Variants in BRINP2 observed in about 807,000 individuals in gnomAD.
BRINP2 encodes BMP/retinoic acid inducible neural specific 2.
Under a neutral mutation model 69.2 loss-of-function variants are expected in BRINP2, and 21 were observed. That is an observed-to-expected ratio of 0.30 (90% confidence interval 0.22 to 0.44). BRINP2 has a LOEUF of 0.44. Among genes scored for constraint, BRINP2 ranks in the 20% least tolerant of loss-of-function variants. BRINP2 has a pLI of 1.00. For missense variants in BRINP2, 877 were observed against 986.0 expected (o/e 0.89, Z 1.48); for synonymous variants, 380 against 394.1 (o/e 0.96, Z 0.42).
At chr1:177,193,723 T>G (rs1430729762) in intron 1 of BRINP2, among the ~76,000 whole-genome samples, 2 of 152,240 alleles carry the variant, frequency 1.3e-5, no homozygotes, top group African/African-American at 4.8e-5. Context: ...GCACATGCCC[T>G]TACTGCAGGC....
intron 1 of BRINP2, among the ~76,000 whole-genome samples, chr1:177,221,841 T>C (rs1226302213): frequency 6.6e-6 from 1 of 152,102 alleles, no homozygotes; most frequent in Non-Finnish European, 1.5e-5. Flanking sequence ...GCATAATCAA[T>C]GCACAGAGCT....
chr1:177,222,125 A>T (rs987517741), intron 1 of BRINP2, among the ~76,000 whole-genome samples: 29 of 152,322 alleles, frequency 1.9e-4, no homozygotes, highest in African/African-American at 7.0e-4. Context: ...CTTTTAACAG[A>T]AATCTTACCT....
chr1:177,236,776 C>G (rs926562259), intron 2 of BRINP2, among the ~76,000 whole-genome samples: 10 of 152,168 alleles, frequency 6.6e-5, no homozygotes, highest in Non-Finnish European at 1.3e-4. Flanking sequence ...GGTTTAGGAA[C>G]TGAGCAGCCA....
intron 6 of BRINP2, among the ~76,000 whole-genome samples, chr1:177,277,524 A>G (rs958459033): frequency 1.3e-5 from 2 of 151,548 alleles, no homozygotes; most frequent in Admixed American, 1.3e-4. Context: ...TGTTTTACCT[A>G]TGCACATACT....
At chr1:177,263,458 G>T (rs939962284) in intron 4 of BRINP2, among the ~76,000 whole-genome samples, 2 of 152,204 alleles carry the variant, frequency 1.3e-5, no homozygotes, top group African/African-American at 4.8e-5. Flanking sequence ...TCACAAGGGA[G>T]CGCCTTCCTT....
At chr1:177,205,922 T>C (rs1649059509) in intron 1 of BRINP2, among the ~76,000 whole-genome samples, 1 of 152,256 alleles carries the variant, frequency 6.6e-6, no homozygotes, top group African/African-American at 2.4e-5. Flanking sequence ...GTATCAGTGC[T>C]GGTCTATGTG....
At chr1:177,203,618 T>C (rs1284751860) in intron 1 of BRINP2, among the ~76,000 whole-genome samples, 2 of 152,222 alleles carry the variant, frequency 1.3e-5, no homozygotes, top group Admixed American at 1.3e-4. Flanking sequence ...TGCTGTCATC[T>C]GAATGCACTG....
In BRINP2 at chr1:177,280,480, C is replaced by A. The variant is rs1480692243; in HGVS notation, c.1304C>A (p.Thr435Asn). 3 of 1,614,082 alleles carry A rather than the reference C, an allele frequency of 1.9e-6. No homozygotes were observed. The highest frequency in any genetic ancestry group is 2.5e-6 in the Non-Finnish European group (3 of 1,180,024). ...TGTGGGGAAAGCACCTTTCCTGGCA[C>A]TTTCCTGGAACAGAGCCACAGCTGC... ...LYCGESTFPG[T>N]FLEQSHSCTC... The change falls in exon 8 of 8, where the codon ACT (threonine) becomes AAT (asparagine). Residue 435 changes from threonine (T) to asparagine (N), a missense_variant. Physicochemically the swap from Thr to Asn is moderately conservative, Grantham distance 65. Coordinates refer to ENST00000361539, the MANE Select transcript of BRINP2 (RefSeq NM_021165.4).
intron 2 of BRINP2, 91 bp downstream of exon 2, chr1:177,230,236 G>T: frequency 2.1e-6 from 3 of 1,401,428 alleles, no homozygotes; most frequent in Non-Finnish European, 1.9e-6. Flanking sequence ...CCCTAAACAG[G>T]CTGGAATGCC....
At chr1:177,211,146 A>C (rs1649210229) in intron 1 of BRINP2, among the ~76,000 whole-genome samples, 1 of 152,062 alleles carries the variant, frequency 6.6e-6, no homozygotes, top group African/African-American at 2.4e-5. Flanking sequence ...GGTATTCCTC[A>C]TGTGTTTCAA....
intron 1 of BRINP2, among the ~76,000 whole-genome samples, chr1:177,186,491 C>A (rs1211656634): frequency 6.6e-6 from 1 of 151,996 alleles, no homozygotes; most frequent in African/African-American, 2.4e-5. Context: ...CCAATGTTTG[C>A]CACAGGAGCA....
rs931005887 is a variant in BRINP2 at position 177,171,049 on chromosome 1, G to T, written c.-760G>T. Among the ~76,000 whole-genome samples, 1 of 152,248 alleles carries T rather than the reference G, an allele frequency of 6.6e-6. No individual in the cohort carries two copies. Among genetic ancestry groups the T allele is most frequent in the African/African-American group, 2.4e-5 (1 of 41,470 alleles). On this transcript the variant is annotated 5_prime_UTR_variant, in exon 1 of 8. Coordinates refer to ENST00000361539, the MANE Select transcript of BRINP2 (RefSeq NM_021165.4). Reference sequence around the variant, plus strand: ...CTCTGGGATGCAATCCGCCTGCCTCGCAAGCTGCTCGCCGCTGCGCTGGCA... The same window carrying T: ...CTCTGGGATGCAATCCGCCTGCCTCTCAAGCTGCTCGCCGCTGCGCTGGCA...
intron 2 of BRINP2, among the ~76,000 whole-genome samples, chr1:177,237,870 T>C (rs1480302832): frequency 2.6e-5 from 4 of 152,158 alleles, no homozygotes. Flanking sequence ...TCGAGTCATA[T>C]GGTCTTTTTT....
chr1:177,235,326 G>A (rs1432260251), intron 2 of BRINP2, among the ~76,000 whole-genome samples: 3 of 152,170 alleles, frequency 2.0e-5, no homozygotes, highest in East Asian at 3.8e-4. Flanking sequence ...AACGTGTACT[G>A]GAAAGACAGC....
intron 1 of BRINP2, among the ~76,000 whole-genome samples, chr1:177,213,535 A>G (rs1558161770): frequency 2.0e-5 from 3 of 152,246 alleles, no homozygotes; most frequent in Admixed American, 1.3e-4. Flanking sequence ...ACTGAATAAT[A>G]AAGTTACTTT....
At chr1:177,173,508 G>A (rs1398390483) in intron 1 of BRINP2, among the ~76,000 whole-genome samples, 4 of 152,192 alleles carry the variant, frequency 2.6e-5, no homozygotes, top group African/African-American at 9.6e-5. Context: ...ATGGAGTGAT[G>A]TGTGCTGCAG....
At position 177,172,247 on chromosome 1, in the gene BRINP2, C is replaced by T. The variant is rs116605990; in HGVS notation, c.-77+515C>T. Among the ~76,000 whole-genome samples, 506 of 152,098 alleles carry T rather than the reference C, an allele frequency of 3.3e-3. 3 individuals carry two copies. Among genetic ancestry groups the T allele is most frequent in the African/African-American group, 0.012 (483 of 41,378 alleles). On this transcript the variant is annotated intron_variant, in intron 1 of 7. Coordinates refer to ENST00000361539, the MANE Select transcript of BRINP2 (RefSeq NM_021165.4). Reference sequence around the variant, plus strand: ...GCAGTCAGGAAAATAAAATTCCAAACAGTGAACCCTGTAGGTTGCAAATAG... The same window carrying T: ...GCAGTCAGGAAAATAAAATTCCAAATAGTGAACCCTGTAGGTTGCAAATAG...
intron 4 of BRINP2, among the ~76,000 whole-genome samples, chr1:177,269,715 A>G (rs1364918125): frequency 6.6e-6 from 1 of 152,152 alleles, no homozygotes; most frequent in Non-Finnish European, 1.5e-5. Context: ...CTTAGGTAGG[A>G]CAAGAGCAGC....
At chr1:177,231,007 G>A (rs1358377600) in intron 2 of BRINP2, among the ~76,000 whole-genome samples, 1 of 151,986 alleles carries the variant, frequency 6.6e-6, no homozygotes, top group African/African-American at 2.4e-5. Context: ...CATGCAAAAA[G>A]AAAAAACATG....
Sources: allele counts gnomAD v4.1 joint callset (sites outside exome capture counted in the v4.1 genomes callset), GRCh38; gene constraint gnomAD v4.1.1; transcripts MANE v1.5; gene names NCBI Gene and HGNC (gene_info 2026-07-23, HGNC 2026-07-21).